The following SLC71A2 variants were observed in gnomAD, a reference collection of about 807,000 sequenced individuals.
The protein encoded by SLC71A2 is hippocampus abundant transcript-like 1.
the SLC71A2 span, chr9:94,460,027 A>C: frequency 6.5e-6 from 1 of 152,728 alleles, no homozygotes; most frequent in Non-Finnish European, 1.5e-5. Context: ...TTCTGGACAT[A>C]ATAATATTGA....
chr9:94,429,372 C>A, the SLC71A2 span: 4 of 1,439,504 alleles, frequency 2.8e-6, no homozygotes, highest in Non-Finnish European at 3.7e-6. Context: ...AGGCTGAAAT[C>A]TAAATTTTTA....
chr9:94,418,262 T>A, the SLC71A2 span, among the ~76,000 whole-genome samples: 1 of 152,250 alleles, frequency 6.6e-6, no homozygotes, highest in Non-Finnish European at 1.5e-5. Context: ...TTTGTTTGAA[T>A]AATTTCTATT....
chr9:94,430,321 C>T, the SLC71A2 span, among the ~76,000 whole-genome samples: 4 of 151,320 alleles, frequency 2.6e-5, no homozygotes, highest in Admixed American at 1.3e-4. Flanking sequence ...CTCCCGGGTT[C>T]GAGTGATTCT....
chr9:94,421,710 A>G, the SLC71A2 span, among the ~76,000 whole-genome samples: 2 of 152,086 alleles, frequency 1.3e-5, no homozygotes, highest in Admixed American at 1.3e-4. Flanking sequence ...GTGTGATTGA[A>G]TCTTTGAACT....
At chr9:94,434,066 T>G in the SLC71A2 span, among the ~76,000 whole-genome samples, 3 of 152,108 alleles carry the variant, frequency 2.0e-5, no homozygotes, top group African/African-American at 7.2e-5. Context: ...TTGAGAAACC[T>G]TTTGTTGCTG....
the SLC71A2 span, among the ~76,000 whole-genome samples, chr9:94,430,689 A>G: frequency 6.6e-6 from 1 of 152,092 alleles, no homozygotes. Flanking sequence ...TTTTTGAAAT[A>G]GACAATTCTG....
the SLC71A2 span, among the ~76,000 whole-genome samples, chr9:94,425,231 G>T: frequency 6.6e-6 from 1 of 151,922 alleles, no homozygotes; most frequent in Non-Finnish European, 1.5e-5. Context: ...TTGAACCCGG[G>T]AGGTGGAGGT....
the SLC71A2 span, among the ~76,000 whole-genome samples, chr9:94,395,650 A>G: frequency 1.3e-5 from 2 of 152,178 alleles, no homozygotes; most frequent in Non-Finnish European, 2.9e-5. Context: ...CTGTTTTGTT[A>G]TGCGTCCCTT....
the SLC71A2 span, chr9:94,446,932 G>C: frequency 1.3e-6 from 2 of 1,521,994 alleles, no homozygotes; most frequent in South Asian, 1.1e-5. Context: ...CTCTATCTCA[G>C]GCAGGTGAGT....
chr9:94,386,197 A>AT, the SLC71A2 span, among the ~76,000 whole-genome samples: 17 of 149,748 alleles, frequency 1.1e-4, no homozygotes, highest in East Asian at 5.9e-4. Flanking sequence ...ATTTTTAGGT[A>AT]TTTTTTTTTC....
At chr9:94,460,103 A>T in the SLC71A2 span, 1 of 152,358 alleles carries the variant, frequency 6.6e-6, no homozygotes, top group Non-Finnish European at 1.5e-5. Context: ...AAAACTCAAC[A>T]ACTCAGATTC....
the SLC71A2 span, among the ~76,000 whole-genome samples, chr9:94,398,897 TCCG>T: frequency 2.3e-5 from 3 of 130,134 alleles, no homozygotes; most frequent in African/African-American, 8.8e-5. Context: ...CACTGCAACC[TCCG>T]CCTCCTGCGT....
the SLC71A2 span, among the ~76,000 whole-genome samples, chr9:94,387,348 C>T: frequency 6.6e-6 from 1 of 152,092 alleles, no homozygotes; most frequent in African/African-American, 2.4e-5. Flanking sequence ...GGCAGAATAA[C>T]TAAGCACCTA....
chr9:94,416,992 G>A, the SLC71A2 span, among the ~76,000 whole-genome samples: 2 of 152,004 alleles, frequency 1.3e-5, no homozygotes, highest in Non-Finnish European at 2.9e-5. Context: ...ACCTATAGTA[G>A]GTTATTAGTT....
chr9:94,397,836 C>T, the SLC71A2 span, among the ~76,000 whole-genome samples: 5 of 152,198 alleles, frequency 3.3e-5, no homozygotes, highest in Non-Finnish European at 7.4e-5. Flanking sequence ...TTCATTATAT[C>T]ATATCAACAG....
At chr9:94,418,664 G>C in the SLC71A2 span, among the ~76,000 whole-genome samples, 1 of 152,036 alleles carries the variant, frequency 6.6e-6, no homozygotes. Flanking sequence ...TCGAACTCCT[G>C]ACCTCAAGTG....
the SLC71A2 span, chr9:94,459,226 T>C: frequency 2.5e-6 from 4 of 1,614,172 alleles, no homozygotes; most frequent in Non-Finnish European, 3.4e-6. Flanking sequence ...CTTTTCTGGT[T>C]GCCTTATTCA....
chr9:94,452,730 ATAT>A, the SLC71A2 span, among the ~76,000 whole-genome samples: 279 of 100,338 alleles, frequency 2.8e-3, 2 homozygotes, highest in African/African-American at 7.0e-3. Context: ...TATATAATAG[ATAT>A]TATATATAAA....
At chr9:94,438,399 A>G in the SLC71A2 span, 1 of 1,614,174 alleles carries the variant, frequency 6.2e-7, no homozygotes, top group Non-Finnish European at 8.5e-7. Flanking sequence ...TTTCCTCTCC[A>G]GGGCCTGCTC....
Sources: gnomAD v4.1 joint callset for allele counts (sites outside exome capture counted in the v4.1 genomes callset) on GRCh38, gnomAD v4.1.1 for gene constraint, MANE v1.5 for transcripts, NCBI Gene and HGNC (gene_info 2026-07-23, HGNC 2026-07-21) for gene names.